TMEM209: variants seen among roughly 807,000 people sequenced by gnomAD.
TMEM209 encodes testicular tissue protein Li 202.
A neutral mutation model predicts 76.2 loss-of-function variants in TMEM209; 65 were observed. The observed-to-expected ratio is 0.85, with a 90% confidence interval of 0.70 to 1.05. The LOEUF (loss-of-function observed/expected upper bound fraction) is 1.05. TMEM209 is among the 50% of genes least tolerant of loss of function. The pLI, the probability that TMEM209 is intolerant of heterozygous loss-of-function variation, is 0.00. For missense variants in TMEM209, 623 were observed against 685.5 expected (o/e 0.91, Z 1.02); for synonymous variants, 239 against 237.6 (o/e 1.01, Z -0.06).
intron 9 of TMEM209, among the ~76,000 whole-genome samples, chr7:130,180,654 C>T (rs1358990607): frequency 6.6e-6 from 1 of 152,174 alleles, no homozygotes; most frequent in East Asian, 1.9e-4. Flanking sequence ...TAGGCGTGAG[C>T]CACCGCGCCC....
At chr7:130,175,304 A>AT (rs1797196914) in intron 11 of TMEM209, 3 of 449,262 alleles carry the variant, frequency 6.7e-6, no homozygotes. Flanking sequence ...TCTACAAAAA[A>AT]TTAAAAAAAT....
chr7:130,192,599 G>C (rs1392115577), intron 6 of TMEM209, 23 bp downstream of exon 6: 1 of 1,583,470 alleles, frequency 6.3e-7, no homozygotes, highest in African/African-American at 1.3e-5. Context: ...ATGTATAGTA[G>C]ATATACAGAA....
intron 1 of TMEM209, chr7:130,204,875 C>A (rs2633379): frequency 1 from 972,352 of 973,534 alleles, 485,595 homozygotes; most frequent in Middle Eastern, 1. Flanking sequence ...ATTACTATCT[C>A]AACAACTCTG....
At chr7:130,166,968 C>T (rs948226442) in intron 14 of TMEM209, among the ~76,000 whole-genome samples, 1 of 152,028 alleles carries the variant, frequency 6.6e-6, no homozygotes, top group Admixed American at 6.6e-5. Context: ...CATATAACAA[C>T]AACAACAAAA....
At chr7:130,184,966 G>A (rs1797547065) in intron 7 of TMEM209, among the ~76,000 whole-genome samples, 2 of 152,136 alleles carry the variant, frequency 1.3e-5, no homozygotes, top group South Asian at 4.1e-4. Context: ...GTTTCAGGCA[G>A]GGCGCTAAGG....
intron 6 of TMEM209, 67 bp downstream of exon 6, chr7:130,192,555 T>C: frequency 3.0e-6 from 4 of 1,340,112 alleles, no homozygotes; most frequent in Non-Finnish European, 4.2e-6. Flanking sequence ...ATTAAAATAA[T>C]GAAAATAGTA....
intron 11 of TMEM209, among the ~76,000 whole-genome samples, chr7:130,174,631 C>T (rs561159588): frequency 5.3e-5 from 8 of 152,066 alleles, no homozygotes; most frequent in Admixed American, 2.6e-4. Context: ...AAAAAAAAAG[C>T]GAACATAATT....
At chr7:130,187,365 T>C (rs1188835972) in intron 6 of TMEM209, among the ~76,000 whole-genome samples, 1 of 152,066 alleles carries the variant, frequency 6.6e-6, no homozygotes, top group Non-Finnish European at 1.5e-5. Flanking sequence ...ATTAAAAATC[T>C]AAATAGCCTG....
chr7:130,189,778 T>G (rs1368190176), intron 6 of TMEM209, among the ~76,000 whole-genome samples: 2 of 152,232 alleles, frequency 1.3e-5, no homozygotes, highest in Non-Finnish European at 2.9e-5. Flanking sequence ...GATGTGTGTG[T>G]GTACATATAT....
Position 130,202,514 on chromosome 7 carries a change from G to A in TMEM209, c.331+18C>T, listed in dbSNP as rs755577883. 1 of 1,584,334 alleles carries A rather than the reference G, an allele frequency of 6.3e-7. No homozygotes were observed. The highest frequency in any genetic ancestry group is 1.2e-5 in the South Asian group (1 of 85,686). ...GCCAACCTTTTCCCCACCTTTGCAA[G>A]AGATATAAAACACTCACCAGCTGTT... On this transcript the variant is annotated intron_variant, in intron 4 of 14. Transcript: ENST00000397622.
intron 8 of TMEM209, among the ~76,000 whole-genome samples, chr7:130,182,554 A>G (rs549858561): frequency 6.6e-6 from 1 of 152,314 alleles, no homozygotes; most frequent in East Asian, 1.9e-4. Context: ...GAATATTACA[A>G]TATTACTTTA....
chr7:130,170,562 T>C, intron 13 of TMEM209, 89 bp from the exon 14 acceptor site: 1 of 994,904 alleles, frequency 1.0e-6, no homozygotes, highest in Non-Finnish European at 1.5e-6. Flanking sequence ...ATTCATATCC[T>C]ACTAACTCAG....
intron 10 of TMEM209, among the ~76,000 whole-genome samples, chr7:130,176,609 T>C (rs905659282): frequency 1.3e-5 from 2 of 151,756 alleles, no homozygotes; most frequent in African/African-American, 4.8e-5. Context: ...AACTACACCA[T>C]AGGGATGCAT....
intron 13 of TMEM209, among the ~76,000 whole-genome samples, chr7:130,172,565 C>G (rs563230712): frequency 1.3e-5 from 2 of 151,886 alleles, no homozygotes; most frequent in Non-Finnish European, 2.9e-5. Context: ...AGGATGGTCT[C>G]GATCTCCTGA....
rs554196023 is a variant in TMEM209, at chr7:130,165,773, T to A, written c.*678A>T. ...TACTTACACTGTTAAATAAAATAAC[T>A]GAGGCTGGGCGCAGTGGCTCGCACC... On this transcript the variant is annotated 3_prime_UTR_variant, in exon 15 of 15. Coordinates refer to ENST00000397622, the MANE Select transcript of TMEM209 (RefSeq NM_032842.4). The A allele has an allele frequency of 6.6e-6, 1 of 151,280 alleles. No homozygotes were observed. The highest frequency in any genetic ancestry group is 2.1e-4 in the South Asian group (1 of 4,798). The allele number at this position is 151,280 out of a possible 1,614,324, so 9.4% of individuals were successfully genotyped here.
chr7:130,202,220 AG>A (rs1415175011), intron 4 of TMEM209, 129 bp from the exon 5 acceptor site: 2 of 1,247,614 alleles, frequency 1.6e-6, no homozygotes, highest in Non-Finnish European at 2.2e-6. Flanking sequence ...GTTAAATCAC[AG>A]AATGTATTAT....
chr7:130,188,387 G>A (rs1434066135), intron 6 of TMEM209, among the ~76,000 whole-genome samples: 3 of 152,046 alleles, frequency 2.0e-5, no homozygotes, highest in Non-Finnish European at 4.4e-5. Flanking sequence ...ACAAGGTCAG[G>A]AGATCGAGAC....
chr7:130,203,101 AATT>A (rs1349465873), intron 3 of TMEM209, among the ~76,000 whole-genome samples: 1 of 152,068 alleles, frequency 6.6e-6, no homozygotes, highest in East Asian at 1.9e-4. Flanking sequence ...AAAAAAAAAA[AATT>A]ATGTGTAGGT....
chr7:130,200,319 T>G (rs1798145129), intron 5 of TMEM209, among the ~76,000 whole-genome samples: 1 of 152,212 alleles, frequency 6.6e-6, no homozygotes, highest in African/African-American at 2.4e-5. Context: ...GTCATGTTTC[T>G]TATTAGCAGA....
Sources: allele counts gnomAD v4.1 joint callset (sites outside exome capture counted in the v4.1 genomes callset), GRCh38; gene constraint gnomAD v4.1.1; transcripts MANE v1.5; gene names NCBI Gene and HGNC (gene_info 2026-07-23, HGNC 2026-07-21).